PTCD3: variants seen among roughly 807,000 people sequenced by gnomAD.
The protein encoded by PTCD3 is pentatricopeptide repeat domain 3, also known as small ribosomal subunit protein mS39.
Under a neutral mutation model 101.9 loss-of-function variants are expected in PTCD3, and 89 were observed. The ratio of observed to expected loss-of-function variants is 0.87; its 90% CI spans 0.74 to 1.04. The LOEUF is 1.04. PTCD3 is among the 50% of genes least tolerant of loss of function. PTCD3 has a pLI of 0.00. For missense variants in PTCD3, 870 were observed against 828.2 expected, an observed-to-expected ratio of 1.05 and a Z score of -0.62; for synonymous variants, 296 against 278.5, an observed-to-expected ratio of 1.06 and a Z score of -0.63.
chr2:86,111,038 G>A (rs747154813), intron 3 of PTCD3, 75 bp from the exon 4 acceptor site: 1 of 1,324,676 alleles, frequency 7.5e-7, no homozygotes. Flanking sequence ...CCAGTACACT[G>A]AGAGTAGAAT....
Position 86,113,086 on chromosome 2 carries a change from TG to T in PTCD3, c.240+1933del, listed in dbSNP as rs576016690. ...TACTTCTGTTTCCTGACTTATAAAT[TG>T]GGGGTTAATTATAGCACCAAACCTC... On this transcript the variant is annotated intron_variant, in intron 4 of 23. Transcript: ENST00000254630. 5.2e-4 allele frequency among the ~76,000 whole-genome samples: 79 copies of T among 152,332 alleles called. 1 individual carries two copies. The South Asian group carries it at 0.015, about 29-fold the overall frequency.
At chr2:86,111,264 A>C (rs1674079559) in intron 4 of PTCD3, 106 bp downstream of exon 4, 1 of 1,063,912 alleles carries the variant, frequency 9.4e-7, no homozygotes, top group Admixed American at 2.0e-5. Context: ...ATTACTCAGA[A>C]TTAAACTGTT....
chr2:86,112,740 A>C (rs1312467551), intron 4 of PTCD3, among the ~76,000 whole-genome samples: 1 of 152,048 alleles, frequency 6.6e-6, no homozygotes, highest in East Asian at 1.9e-4. Flanking sequence ...TTATTTGGCA[A>C]AGGAGGAAGC....
chr2:86,109,711 G>A (rs143119783), intron 3 of PTCD3, among the ~76,000 whole-genome samples: 5 of 152,254 alleles, frequency 3.3e-5, no homozygotes, highest in Non-Finnish European at 5.9e-5. Flanking sequence ...ATATATACAT[G>A]GACAAGACTG....
At chr2:86,118,397 G>C (rs1674216321) in intron 6 of PTCD3, among the ~76,000 whole-genome samples, 1 of 152,162 alleles carries the variant, frequency 6.6e-6, no homozygotes, top group Non-Finnish European at 1.5e-5. Context: ...TATCTAAACT[G>C]CTCCCATATC....
At position 86,138,521 on chromosome 2, in the gene PTCD3, T is replaced by C. The variant is rs1160573625; in HGVS notation, c.*962T>C. The stretch of plus-strand genomic sequence containing the variant: ...CAGCTTCATCTTTACCTTGCCAGAG[T>C]TGACAATTATGGGATACTCTAGTCT... On this transcript the variant is annotated 3_prime_UTR_variant, in exon 24 of 24. Transcript: ENST00000254630. 6.6e-6 allele frequency: 1 copy of C among 152,250 alleles called. No individual in the cohort carries two copies. The highest frequency in any genetic ancestry group is 2.4e-5 in the African/African-American group (1 of 41,538). 9.4% of individuals were successfully genotyped at this position (152,250 alleles called of 1,614,324 possible). A position where few individuals can be genotyped will look rare whatever the true frequency, so the allele number is the denominator to read the frequency against.
chr2:86,123,133 G>A (rs551703853), intron 8 of PTCD3, among the ~76,000 whole-genome samples: 5 of 152,130 alleles, frequency 3.3e-5, no homozygotes, highest in South Asian at 2.1e-4. Flanking sequence ...GTGGTGGCAC[G>A]CGCCTGTAGT....
At chr2:86,109,437 A>G (rs1025812120) in intron 3 of PTCD3, among the ~76,000 whole-genome samples, 2 of 152,184 alleles carry the variant, frequency 1.3e-5, no homozygotes, top group African/African-American at 4.8e-5. Context: ...GTTCATTTAA[A>G]AAGACTTTTT....
At chr2:86,109,442 C>G (rs1264726155) in intron 3 of PTCD3, among the ~76,000 whole-genome samples, 2 of 151,426 alleles carry the variant, frequency 1.3e-5, no homozygotes, top group Non-Finnish European at 2.9e-5. Context: ...TTTAAAAAGA[C>G]TTTTTTAAGA....
rs554073947 is a variant in PTCD3, at chr2:86,140,670, G to C, written c.*3111G>C. On this transcript the variant is annotated 3_prime_UTR_variant, in exon 24 of 24. Transcript: ENST00000254630. ...AGAGTGGCATTTTACCAAAAAAATG[G>C]GTGTATTTGATTTGGGTGCTGTAAG... The C allele has an allele frequency of 6.6e-6, 1 of 152,002 alleles. No homozygotes were observed. Among genetic ancestry groups the C allele is most frequent in the Non-Finnish European group, 1.5e-5 (1 of 68,020 alleles). The allele number at this position is 152,002 out of a possible 1,614,324, so 9.4% of individuals were successfully genotyped here.
rs921991016 is a variant in PTCD3, at chr2:86,137,897, G to A, written c.*338G>A. ...TGACCTCACGATGCTGTCCTCGTGC[G>A]ATTGCCCTCTCCTGCTGCTGGACTT... On this transcript the variant is annotated 3_prime_UTR_variant, in exon 24 of 24. Coordinates refer to ENST00000254630, the MANE Select transcript of PTCD3 (RefSeq NM_017952.6). 38 of 250,902 alleles carry A rather than the reference G, an allele frequency of 1.5e-4. No individual in the cohort carries two copies. Among genetic ancestry groups the A allele is most frequent in the Non-Finnish European group, 1.3e-4 (16 of 124,440 alleles). 15.5% of individuals were successfully genotyped at this position (250,902 alleles called of 1,614,324 possible).
At chr2:86,133,474 C>A in intron 19 of PTCD3, 38 bp downstream of exon 19, 1 of 1,507,578 alleles carries the variant, frequency 6.6e-7, no homozygotes, top group Non-Finnish European at 9.2e-7. Context: ...TGCATCTCAC[C>A]TCAATATCCT....
chr2:86,140,337 C>T lies in PTCD3; in HGVS notation c.*2778C>T, dbSNP rs187980017. 14 of 151,740 alleles carry T rather than the reference C, an allele frequency of 9.2e-5. No homozygotes were observed. The highest frequency in any genetic ancestry group is 2.6e-4 in the Admixed American group (4 of 15,258). The allele number at this position is 151,740 out of a possible 1,614,324, so 9.4% of individuals were successfully genotyped here. ...CTGTCACTGGCTATGTACCCATATT[C>T]TCTAAGACAGGGTAGCATTTGTCTT... On this transcript the variant is annotated 3_prime_UTR_variant, in exon 24 of 24. Transcript: ENST00000254630.
chr2:86,107,642 A>AT (rs945575742), intron 1 of PTCD3, among the ~76,000 whole-genome samples: 7 of 152,260 alleles, frequency 4.6e-5, no homozygotes, highest in Non-Finnish European at 1.0e-4. Flanking sequence ...AGGATTTCAT[A>AT]TTGAACCTCT....
intron 1 of PTCD3, among the ~76,000 whole-genome samples, chr2:86,108,085 T>C (rs11679343): frequency 0.75 from 113,817 of 150,910 alleles, 44,296 homozygotes; most frequent in South Asian, 0.85. Context: ...ATAATTGCAC[T>C]ACTTCACTAA....
Position 86,140,051 on chromosome 2 carries a change from G to A in PTCD3, c.*2492G>A, listed in dbSNP as rs933093811. The A allele has an allele frequency of 2.0e-5, 3 of 152,166 alleles. No homozygotes were observed. Among genetic ancestry groups the A allele is most frequent in the Non-Finnish European group, 4.4e-5 (3 of 68,038 alleles). The allele number at this position is 152,166 out of a possible 1,614,324, so 9.4% of individuals were successfully genotyped here. A position where few individuals can be genotyped will look rare whatever the true frequency, so the allele number is the denominator to read the frequency against. ...GAATCAAACTCAAATCTGGCACGTAGGTGCTTCTTAGTAAATGCTTAATGA... is the reference window on the plus strand; with the variant it reads ...GAATCAAACTCAAATCTGGCACGTAAGTGCTTCTTAGTAAATGCTTAATGA... On this transcript the variant is annotated 3_prime_UTR_variant, in exon 24 of 24. Transcript: ENST00000254630.
intron 9 of PTCD3, among the ~76,000 whole-genome samples, chr2:86,124,658 A>T (rs1356119188): frequency 6.6e-6 from 1 of 152,246 alleles, no homozygotes; most frequent in Non-Finnish European, 1.5e-5. Flanking sequence ...GTATCTGAAG[A>T]TTGAAGAAAG....
At chr2:86,114,040 C>A (rs1239643235) in intron 4 of PTCD3, among the ~76,000 whole-genome samples, 1 of 151,570 alleles carries the variant, frequency 6.6e-6, no homozygotes, top group African/African-American at 2.4e-5. Context: ...TGGCCCAGGG[C>A]CACTTTCAAA....
rs535087371 is a variant in PTCD3, at chr2:86,119,141, G to C, written c.538+97G>C. Reference sequence around the variant, plus strand: ...ATTTTGAGTAAGAGTTACAGGTCCTGCTGTACTTACTCTGCTTTGATGGCT... The same window carrying C: ...ATTTTGAGTAAGAGTTACAGGTCCTCCTGTACTTACTCTGCTTTGATGGCT... On this transcript the variant is annotated intron_variant, in intron 7 of 23. Transcript: ENST00000254630. 1.2e-4 allele frequency: 168 copies of C among 1,460,340 alleles called. No individual in the cohort carries two copies. The African/African-American group carries it at 2.3e-3, about 20-fold the overall frequency. The allele number at this position is 1,460,340 out of a possible 1,614,324, so 90.5% of individuals were successfully genotyped here.
Sources: allele counts gnomAD v4.1 joint callset (sites outside exome capture counted in the v4.1 genomes callset), GRCh38; gene constraint gnomAD v4.1.1; transcripts MANE v1.5; gene names NCBI Gene and HGNC (gene_info 2026-07-23, HGNC 2026-07-21).